The following TAGLN2 variants were observed in gnomAD, a reference collection of about 807,000 sequenced individuals.
The protein encoded by TAGLN2 is transgelin-2.
TAGLN2 carries 14 observed loss-of-function variants against 24.9 expected under a neutral mutation model. The observed-to-expected ratio is 0.56, with a 90% CI of 0.37 to 0.88. TAGLN2 has a LOEUF of 0.88. Ranked by LOEUF, TAGLN2 falls within the 40% of genes least tolerant of loss-of-function variation. The probability of loss-of-function intolerance (pLI) is 0.00; values close to 1 mark genes in which losing one functional copy is unlikely to be tolerated. For missense variants in TAGLN2, 208 were observed against 258.9 expected (o/e 0.80, Z 1.35); for synonymous variants, 77 against 98.2 (o/e 0.78, Z 1.28).
chr1:159,925,102 G>C (rs541882089), intron 1 of TAGLN2: 1 of 152,268 alleles, frequency 6.6e-6, no homozygotes, highest in Non-Finnish European at 1.5e-5. Flanking sequence ...CCACGACCCG[G>C]GGTCACTCGG....
intron 1 of TAGLN2, among the ~76,000 whole-genome samples, chr1:159,922,340 G>C (rs1300888098): frequency 6.6e-6 from 1 of 152,144 alleles, no homozygotes; most frequent in Non-Finnish European, 1.5e-5. Flanking sequence ...ACCTCATTAA[G>C]AGCAACCCGC....
intron 1 of TAGLN2, chr1:159,923,532 GACTCTCCATCCACC>G: frequency 6.6e-7 from 1 of 1,511,236 alleles, no homozygotes; most frequent in Non-Finnish European, 8.9e-7. Flanking sequence ...AAGACAAAGG[GACTCTCCATCCACC>G]GTGCAGATGG....
chr1:159,919,518 A>C, intron 3 of TAGLN2, 142 bp from the exon 4 acceptor site: 2 of 1,318,506 alleles, frequency 1.5e-6, no homozygotes, highest in Non-Finnish European at 2.1e-6. Flanking sequence ...AGCCTCCAAT[A>C]TGACCAAGTG....
At position 159,918,565 on chromosome 1, in the gene TAGLN2, A is replaced by T; in HGVS notation, c.*235T>A. 1.9e-6 allele frequency: 1 copy of T among 518,090 alleles called. No homozygotes were observed. Among genetic ancestry groups the T allele is most frequent in the Non-Finnish European group, 3.3e-6 (1 of 301,776 alleles). 32.1% of individuals were successfully genotyped at this position (518,090 alleles called of 1,614,324 possible). ...GCCCCTAAATTTTGGTCCCAGGGGAAAGGAAGAGGCCAGTTGGTCCAGTTT... is the reference window on the plus strand; with the variant it reads ...GCCCCTAAATTTTGGTCCCAGGGGATAGGAAGAGGCCAGTTGGTCCAGTTT... On this transcript the variant is annotated 3_prime_UTR_variant, in exon 5 of 5. Transcript: ENST00000368097.
intron 1 of TAGLN2, among the ~76,000 whole-genome samples, chr1:159,922,809 A>AC (rs1202688560): frequency 3.3e-5 from 5 of 151,976 alleles, no homozygotes; most frequent in African/African-American, 1.2e-4. Context: ...GTGCCCCCCA[A>AC]CCCCCCAAGG....
At chr1:159,919,960 G>C (rs1386148351) in intron 2 of TAGLN2, 125 bp from the exon 3 acceptor site, 2 of 1,111,326 alleles carry the variant, frequency 1.8e-6, no homozygotes, top group Admixed American at 4.1e-5. Flanking sequence ...AGACAGCTTG[G>C]ACTCTTTCAC....
At chr1:159,923,548 T>G in intron 1 of TAGLN2, 1 of 1,439,884 alleles carries the variant, frequency 6.9e-7, no homozygotes, top group Non-Finnish European at 9.4e-7. Context: ...CCATCCACCG[T>G]GCAGATGGAA....
chr1:159,919,146 A>C, intron 4 of TAGLN2, 128 bp downstream of exon 4: 1 of 1,236,686 alleles, frequency 8.1e-7, no homozygotes, highest in Non-Finnish European at 1.2e-6. Context: ...GGATTAAGTG[A>C]GATGAGGAAT....
In TAGLN2 at chr1:159,919,711, C is replaced by A; in HGVS notation, c.305G>T (p.Arg102Leu). Residue 102 changes from arginine (R) to leucine (L), a missense_variant, in exon 3 of 5, where the codon CGC becomes CTC. By Grantham distance (102) the Arg-to-Leu change is moderately radical. Coordinates refer to ENST00000368097, the MANE Select transcript of TAGLN2 (RefSeq NM_003564.3). Reference protein sequence around the residue: ...QISQFLQAAERYGINTTDIFQ... With the variant: ...QISQFLQAAELYGINTTDIFQ... ...GATGTCAGTGGTGTTAATGCCATAG[C>A]GCTCAGCTGCTTGCAGGAACTGAGA... 1 of 1,613,680 alleles carries A rather than the reference C, an allele frequency of 6.2e-7. No individual in the cohort carries two copies. Among genetic ancestry groups the A allele is most frequent in the South Asian group, 1.1e-5 (1 of 91,058 alleles).
chr1:159,924,545 G>A (rs1650641778), intron 1 of TAGLN2: 1 of 152,332 alleles, frequency 6.6e-6, no homozygotes. Flanking sequence ...CAGGGCGCGG[G>A]GGGAGGCGGC....
At chr1:159,922,618 T>C (rs1325392670) in intron 1 of TAGLN2, among the ~76,000 whole-genome samples, 1 of 152,190 alleles carries the variant, frequency 6.6e-6, no homozygotes, top group Non-Finnish European at 1.5e-5. Flanking sequence ...GTAAGCCCCC[T>C]TTCCGCAGCC....
intron 1 of TAGLN2, among the ~76,000 whole-genome samples, chr1:159,922,825 C>T (rs1650578375): frequency 6.6e-6 from 1 of 152,220 alleles, no homozygotes; most frequent in Non-Finnish European, 1.5e-5. Flanking sequence ...CAAGGCAGGA[C>T]AAACTTGGCC....
At chr1:159,919,505 T>A in intron 3 of TAGLN2, 129 bp from the exon 4 acceptor site, 1 of 1,316,990 alleles carries the variant, frequency 7.6e-7, no homozygotes, top group Admixed American at 1.9e-5. Context: ...CCTTCTCCAT[T>A]CCAGCCTCCA....
intron 2 of TAGLN2, 50 bp downstream of exon 2, chr1:159,920,280 C>T (rs1187032390): frequency 1.2e-5 from 19 of 1,613,836 alleles, no homozygotes; most frequent in Non-Finnish European, 1.5e-5. Flanking sequence ...GTCCACTGGA[C>T]CCAGTCCTGC....
At chr1:159,924,086 G>A (rs374769360) in intron 1 of TAGLN2, among the ~76,000 whole-genome samples, 25 of 152,310 alleles carry the variant, frequency 1.6e-4, no homozygotes, top group African/African-American at 6.0e-4. Context: ...CCCTGGGAAG[G>A]GAAAGTGTTC....
At chr1:159,921,493 A>G (rs1482290404) in intron 1 of TAGLN2, among the ~76,000 whole-genome samples, 1 of 152,218 alleles carries the variant, frequency 6.6e-6, no homozygotes, top group African/African-American at 2.4e-5. Context: ...AAACCCCAGA[A>G]GGAACACAGC....
intron 1 of TAGLN2, among the ~76,000 whole-genome samples, chr1:159,921,381 AC>A (rs1650528107): frequency 6.6e-6 from 1 of 152,152 alleles, no homozygotes; most frequent in Admixed American, 6.5e-5. Flanking sequence ...AACAACAACA[AC>A]AACAAAATGG....
chr1:159,923,474 TG>T, intron 1 of TAGLN2: 1 of 1,548,862 alleles, frequency 6.5e-7, no homozygotes, highest in Non-Finnish European at 8.7e-7. Flanking sequence ...CGGACATGGG[TG>T]GGGGCAGGGA....
chr1:159,920,725 G>A, intron 1 of TAGLN2, 188 bp from the exon 2 acceptor site: 1 of 795,278 alleles, frequency 1.3e-6, no homozygotes, highest in Non-Finnish European at 1.5e-6. Context: ...TTTGGGGAGA[G>A]GAGGAGGAAT....
Sources: allele counts gnomAD v4.1 joint callset (sites outside exome capture counted in the v4.1 genomes callset), GRCh38; gene constraint gnomAD v4.1.1; transcripts MANE v1.5; gene names NCBI Gene and HGNC (gene_info 2026-07-23, HGNC 2026-07-21).